The following MYRIP variants were observed in gnomAD, a reference collection of about 807,000 sequenced individuals.
The protein encoded by MYRIP is myosin VIIA and Rab interacting protein.
A neutral mutation model predicts 98.0 loss-of-function variants in MYRIP; 49 were observed. That is an observed-to-expected ratio of 0.50 (90% CI 0.40 to 0.63). MYRIP has a LOEUF of 0.63. MYRIP is among the 30% of genes least tolerant of loss of function. The pLI is 0.00. For missense variants in MYRIP, 1,004 were observed against 1,058.2 expected (o/e 0.95, Z 0.71); for synonymous variants, 404 against 409.5 (o/e 0.99, Z 0.16).
At chr3:39,824,080 G>C (rs566251452) in intron 1 of MYRIP, among the ~76,000 whole-genome samples, 168 of 152,172 alleles carry the variant, frequency 1.1e-3, no homozygotes, top group Non-Finnish European at 1.9e-3. Flanking sequence ...TATGGACATC[G>C]TTTTCTCAGC....
chr3:39,955,685 C>T (rs1299361000), intron 2 of MYRIP, among the ~76,000 whole-genome samples: 2 of 152,034 alleles, frequency 1.3e-5, no homozygotes, highest in Non-Finnish European at 2.9e-5. Flanking sequence ...CAATATTAAC[C>T]TTAAATGTAA....
intron 2 of MYRIP, among the ~76,000 whole-genome samples, chr3:39,999,860 G>A (rs1049527692): frequency 6.6e-6 from 1 of 152,018 alleles, no homozygotes; most frequent in Non-Finnish European, 1.5e-5. Flanking sequence ...AAAATGATGA[G>A]TTCATGTCCT....
chr3:39,941,470 T>C (rs1389637201), intron 2 of MYRIP, among the ~76,000 whole-genome samples: 1 of 151,464 alleles, frequency 6.6e-6, no homozygotes, highest in Admixed American at 6.6e-5. Context: ...CGGGAGGAAA[T>C]ACAGTCTTTT....
chr3:39,901,002 C>T (rs1943729412), intron 2 of MYRIP, 76 bp downstream of exon 2: 2 of 1,063,980 alleles, frequency 1.9e-6, no homozygotes, highest in Admixed American at 3.6e-5. Flanking sequence ...TGAGGGTATT[C>T]CCTCCTGCTA....
At chr3:40,033,096 A>G (rs1947297120) in intron 2 of MYRIP, among the ~76,000 whole-genome samples, 1 of 150,680 alleles carries the variant, frequency 6.6e-6, no homozygotes, top group Non-Finnish European at 1.5e-5. Context: ...ATCTATGACA[A>G]ACCCACAGCC....
At chr3:39,987,576 G>T (rs138443016) in intron 2 of MYRIP, among the ~76,000 whole-genome samples, 1 of 152,256 alleles carries the variant, frequency 6.6e-6, no homozygotes, top group Non-Finnish European at 1.5e-5. Flanking sequence ...TTGAGGAATT[G>T]CCACACTATC....
At chr3:40,074,654 A>C (rs534883452) in intron 3 of MYRIP, among the ~76,000 whole-genome samples, 2 of 152,174 alleles carry the variant, frequency 1.3e-5, no homozygotes, top group Non-Finnish European at 2.9e-5. Context: ...TAATTAATTT[A>C]AGCAGAAAAG....
chr3:39,945,870 A>T (rs1639586843), intron 2 of MYRIP, among the ~76,000 whole-genome samples: 1 of 152,158 alleles, frequency 6.6e-6, no homozygotes, highest in African/African-American at 2.4e-5. Context: ...TATTCTGAGT[A>T]TAAAGGCTAT....
chr3:39,885,057 T>C (rs894898060), intron 1 of MYRIP, among the ~76,000 whole-genome samples: 3 of 151,728 alleles, frequency 2.0e-5, no homozygotes, highest in Non-Finnish European at 4.4e-5. Context: ...CAGCATGATA[T>C]GATACAAGCT....
intron 2 of MYRIP, among the ~76,000 whole-genome samples, chr3:39,949,352 T>C (rs963343116): frequency 6.6e-6 from 1 of 152,164 alleles, no homozygotes; most frequent in Non-Finnish European, 1.5e-5. Flanking sequence ...TGAAGTTTAG[T>C]GTAAATTGAT....
chr3:40,172,715 C>A (rs938362289), intron 8 of MYRIP, among the ~76,000 whole-genome samples: 1 of 152,198 alleles, frequency 6.6e-6, no homozygotes, highest in Non-Finnish European at 1.5e-5. Flanking sequence ...AATTCCCAGA[C>A]CACCTGCTGC....
At chr3:40,059,653 T>C (rs1051430636) in intron 3 of MYRIP, among the ~76,000 whole-genome samples, 3 of 152,204 alleles carry the variant, frequency 2.0e-5, no homozygotes, top group African/African-American at 7.2e-5. Flanking sequence ...CCTTGCCTTA[T>C]TGAGTTCATG....
chr3:39,872,672 A>AT (rs1435788456), intron 1 of MYRIP, among the ~76,000 whole-genome samples: 1 of 151,796 alleles, frequency 6.6e-6, no homozygotes, highest in African/African-American at 2.4e-5. Context: ...TGAACTCATC[A>AT]TTTTTTATGG....
chr3:40,053,825 A>C (rs1284145576), intron 3 of MYRIP, among the ~76,000 whole-genome samples: 2 of 152,066 alleles, frequency 1.3e-5, no homozygotes, highest in Admixed American at 6.6e-5. Flanking sequence ...ACCTCAAAAG[A>C]ATGGTGGTGA....
At chr3:40,137,298 T>C (rs1559416426) in intron 3 of MYRIP, among the ~76,000 whole-genome samples, 2 of 152,154 alleles carry the variant, frequency 1.3e-5, no homozygotes, top group Non-Finnish European at 2.9e-5. Context: ...AATGGATAAA[T>C]TCCTCGACAC....
chr3:40,081,788 G>A (rs1948484723), intron 3 of MYRIP, among the ~76,000 whole-genome samples: 1 of 151,734 alleles, frequency 6.6e-6, no homozygotes, highest in Admixed American at 6.6e-5. Flanking sequence ...TATTCCCTCT[G>A]TCTAACTGAA....
At chr3:39,974,568 C>T (rs527651020) in intron 2 of MYRIP, among the ~76,000 whole-genome samples, 32 of 152,154 alleles carry the variant, frequency 2.1e-4, no homozygotes, top group South Asian at 8.3e-4. Flanking sequence ...AGCATCATCC[C>T]GGTACCAAAG....
intron 3 of MYRIP, among the ~76,000 whole-genome samples, chr3:40,085,057 ATG>A (rs1239521767): frequency 6.6e-6 from 1 of 150,962 alleles, no homozygotes; most frequent in East Asian, 2.0e-4. Context: ...ATATATATCT[ATG>A]TGTTATATAT....
At chr3:39,954,161 G>C (rs916564267) in intron 2 of MYRIP, among the ~76,000 whole-genome samples, 1 of 152,178 alleles carries the variant, frequency 6.6e-6, no homozygotes, top group African/African-American at 2.4e-5. Flanking sequence ...GAAGAGAGTA[G>C]TGGTTCTCCC....
Sources: gnomAD v4.1 joint callset for allele counts (sites outside exome capture counted in the v4.1 genomes callset) on GRCh38, gnomAD v4.1.1 for gene constraint, MANE v1.5 for transcripts, NCBI Gene and HGNC (gene_info 2026-07-23, HGNC 2026-07-21) for gene names.